Variants in TECRL observed in about 807,000 individuals in gnomAD.
TECRL encodes trans-2,3-enoyl-CoA reductase-like.
In TECRL, 63 loss-of-function variants were observed where a neutral mutation model predicts 52.8. The ratio of observed to expected loss-of-function variants is 1.19; its 90% CI spans 0.97 to 1.47. TECRL has a LOEUF of 1.47. Ranked by LOEUF, TECRL falls within the 40% of genes most tolerant of loss-of-function variation. The pLI is 0.00. For synonymous variants in TECRL, 164 were observed against 141.9 expected, an observed-to-expected ratio of 1.16 and a Z score of -1.10; for missense variants, 482 against 429.6, an observed-to-expected ratio of 1.12 and a Z score of -1.08.
downstream of TECRL, chr4:64,276,832 T>G (rs900339477): frequency 4.2e-5 from 15 of 360,740 alleles, no homozygotes; most frequent in Non-Finnish European, 6.4e-5. Flanking sequence ...ATCATTAAAG[T>G]TTGTAAGTGT....
chr4:64,304,078 G>A (rs1456313196), intron 7 of TECRL, among the ~76,000 whole-genome samples: 4 of 151,642 alleles, frequency 2.6e-5, no homozygotes, highest in South Asian at 4.2e-4. Context: ...TTCAATAAAT[G>A]TTTTACATAT....
In TECRL at chr4:64,279,734, C is replaced by T. The variant is rs1722722169; in HGVS notation, c.*338G>A. The stretch of plus-strand genomic sequence containing the variant: ...CTTTGGGAAATGTCTGTTCAGATCG[C>T]TTTTTCATTTGTTAATCAGATTTTT... On this transcript the variant is annotated 3_prime_UTR_variant, in exon 12 of 12. Coordinates refer to ENST00000381210, the MANE Select transcript of TECRL (RefSeq NM_001010874.5). 3.3e-6 allele frequency: 3 copies of T among 915,910 alleles called. No homozygotes were observed. The highest frequency in any genetic ancestry group is 2.5e-6 in the Non-Finnish European group (2 of 794,178). The allele number at this position is 915,910 out of a possible 1,614,324, so 56.7% of individuals were successfully genotyped here. A position where few individuals can be genotyped will look rare whatever the true frequency, so the allele number is the denominator to read the frequency against.
intron 1 of TECRL, among the ~76,000 whole-genome samples, chr4:64,388,888 C>T (rs528300588): frequency 4.1e-4 from 62 of 151,866 alleles, no homozygotes; most frequent in African/African-American, 1.4e-3. Flanking sequence ...TGCTCTTATT[C>T]ATTAGTAGGA....
intron 1 of TECRL, among the ~76,000 whole-genome samples, chr4:64,388,628 GA>G (rs774144619): frequency 5.3e-5 from 8 of 151,876 alleles, no homozygotes; most frequent in Non-Finnish European, 7.4e-5. Context: ...TTGACATCTT[GA>G]AAATACTGAA....
At chr4:64,383,374 T>A (rs1463208631) in intron 1 of TECRL, among the ~76,000 whole-genome samples, 1 of 152,132 alleles carries the variant, frequency 6.6e-6, no homozygotes, top group Non-Finnish European at 1.5e-5. Flanking sequence ...TTTGTCTCCC[T>A]TCTGGAACAC....
intron 1 of TECRL, among the ~76,000 whole-genome samples, chr4:64,396,725 A>G (rs2086732): frequency 0.64 from 97,336 of 151,830 alleles, 32,470 homozygotes; most frequent in Non-Finnish European, 0.74. Flanking sequence ...TAAAATCTTT[A>G]CCAGTTCCTA....
chr4:64,367,326 C>T (rs1721669149), intron 2 of TECRL, among the ~76,000 whole-genome samples: 1 of 152,062 alleles, frequency 6.6e-6, no homozygotes, highest in Non-Finnish European at 1.5e-5. Flanking sequence ...TGTACACCAA[C>T]CCCAACAACA....
chr4:64,296,041 T>C (rs1723661485), intron 8 of TECRL, among the ~76,000 whole-genome samples: 1 of 152,018 alleles, frequency 6.6e-6, no homozygotes. Context: ...TTGTTTTCAG[T>C]CAATAAGTAT....
intron 2 of TECRL, among the ~76,000 whole-genome samples, chr4:64,331,115 C>T (rs912099306): frequency 6.6e-6 from 1 of 151,994 alleles, no homozygotes; most frequent in Non-Finnish European, 1.5e-5. Context: ...GTATTGATTC[C>T]TATGCACAGA....
chr4:64,338,910 T>C (rs1475186295), intron 2 of TECRL, among the ~76,000 whole-genome samples: 1 of 152,172 alleles, frequency 6.6e-6, no homozygotes, highest in Non-Finnish European at 1.5e-5. Flanking sequence ...AAATACCATT[T>C]GACCCAGCCA....
intron 2 of TECRL, among the ~76,000 whole-genome samples, chr4:64,360,142 T>C (rs1721074366): frequency 6.6e-6 from 1 of 152,144 alleles, no homozygotes; most frequent in Non-Finnish European, 1.5e-5. Flanking sequence ...ATGTCTTACA[T>C]CAGATATATT....
Position 64,368,805 on chromosome 4 carries a change from A to G in TECRL, c.286+6367T>C, listed in dbSNP as rs572111594. ...CCAAATTGCTCAGAGAACACTCATT[A>G]TTTTCTACTATATGTGATAAATCCT... On this transcript the variant is annotated intron_variant, in intron 2 of 11. Coordinates refer to ENST00000381210, the MANE Select transcript of TECRL (RefSeq NM_001010874.5). Among the ~76,000 whole-genome samples, 30 of 151,972 alleles carry G rather than the reference A, an allele frequency of 2.0e-4. No homozygotes were observed. In the South Asian group the frequency reaches 5.2e-3, roughly 26 times the overall value.
intron 9 of TECRL, 30 bp from the exon 10 acceptor site, chr4:64,281,589 A>T: frequency 8.2e-7 from 1 of 1,220,466 alleles, no homozygotes; most frequent in Non-Finnish European, 1.2e-6. Context: ...AATGTCAATG[A>T]TGCTACACAT....
Position 64,394,330 on chromosome 4 carries a change from CATT to C in TECRL, c.234+14785_234+14787del, listed in dbSNP as rs574856312. Among the ~76,000 whole-genome samples the C allele has an allele frequency of 6.4e-4, 97 of 152,172 alleles. 3 individuals carry two copies. The highest frequency in any genetic ancestry group is 2.1e-3 in the African/African-American group (89 of 41,532). ...TCAAACATAATAGCACCATTTTCCT[CATT>C]GTTGTGTAGCTAGATTTTTAAACAT... On this transcript the variant is annotated intron_variant, in intron 1 of 11. Transcript: ENST00000381210.
intron 2 of TECRL, among the ~76,000 whole-genome samples, chr4:64,349,201 C>T (rs540621158): frequency 8.0e-4 from 80 of 100,196 alleles, no homozygotes; most frequent in African/African-American, 1.5e-3. Context: ...GGAATGATAT[C>T]GGCTCACCAC....
At chr4:64,395,780 T>G (rs190971167) in intron 1 of TECRL, among the ~76,000 whole-genome samples, 419 of 152,232 alleles carry the variant, frequency 2.8e-3, no homozygotes, top group African/African-American at 9.4e-3. Context: ...ACCCAGGTAA[T>G]AAACATAGTA....
intron 2 of TECRL, among the ~76,000 whole-genome samples, chr4:64,370,850 T>A (rs570669573): frequency 3.3e-5 from 5 of 152,016 alleles, no homozygotes; most frequent in Non-Finnish European, 7.4e-5. Context: ...AATATGCTAA[T>A]CTAAACTAAA....
chr4:64,314,244 AT>A (rs1402540913), intron 5 of TECRL, among the ~76,000 whole-genome samples: 12 of 152,066 alleles, frequency 7.9e-5, no homozygotes, highest in Admixed American at 3.3e-4. Flanking sequence ...TTAGGTCATT[AT>A]TTCTTTCCTA....
chr4:64,396,214 A>T (rs951940198), intron 1 of TECRL, among the ~76,000 whole-genome samples: 2 of 152,146 alleles, frequency 1.3e-5, no homozygotes, highest in Non-Finnish European at 2.9e-5. Context: ...GCTGAATGGT[A>T]GTTCTGCTTT....
Sources: allele counts gnomAD v4.1 joint callset (sites outside exome capture counted in the v4.1 genomes callset), GRCh38; gene constraint gnomAD v4.1.1; transcripts MANE v1.5; gene names NCBI Gene and HGNC (gene_info 2026-07-23, HGNC 2026-07-21).